The following MAGI2 variants were observed in gnomAD, a reference collection of about 807,000 sequenced individuals.
MAGI2 encodes the protein membrane-associated guanylate kinase, WW and PDZ domain-containing protein 2.
A neutral mutation model predicts 133.3 loss-of-function variants in MAGI2; 35 were observed. The observed-to-expected ratio is 0.26, with a 90% confidence interval of 0.20 to 0.35. The LOEUF (loss-of-function observed/expected upper bound fraction) is 0.35, where lower values mean the gene tolerates loss of function less well. Ranked by LOEUF, MAGI2 falls within the 10% of genes least tolerant of loss-of-function variation. MAGI2 has a pLI of 1.00. For missense variants in MAGI2, 1,636 were observed against 1,863.4 expected (o/e 0.88, Z 2.25); for synonymous variants, 729 against 710.6 (o/e 1.03, Z -0.41).
At chr7:79,064,181 T>A (rs1351296161) in intron 1 of MAGI2, among the ~76,000 whole-genome samples, 1 of 152,016 alleles carries the variant, frequency 6.6e-6, no homozygotes, top group Non-Finnish European at 1.5e-5. Context: ...CTATTCCATC[T>A]CACTATAGAA....
chr7:78,457,811 A>G (rs1211458113), intron 6 of MAGI2, among the ~76,000 whole-genome samples: 1 of 152,190 alleles, frequency 6.6e-6, no homozygotes, highest in African/African-American at 2.4e-5. Flanking sequence ...TCAGTGTAAG[A>G]GCTGAGATTC....
At chr7:78,069,683 C>T (rs1294551046) in intron 21 of MAGI2, among the ~76,000 whole-genome samples, 6 of 152,090 alleles carry the variant, frequency 3.9e-5, no homozygotes, top group Non-Finnish European at 7.4e-5. Context: ...CAACTCCTCA[C>T]CCCACAATCC....
At chr7:78,746,936 T>A (rs1157660572) in intron 2 of MAGI2, among the ~76,000 whole-genome samples, 1 of 152,208 alleles carries the variant, frequency 6.6e-6, no homozygotes, top group African/African-American at 2.4e-5. Flanking sequence ...TAACTATTAT[T>A]GTGTTTTATT....
In MAGI2 at chr7:78,036,619, C is replaced by G. The variant is rs963633628; in HGVS notation, c.3707-16643G>C. On this transcript the variant is annotated intron_variant, in intron 21 of 21. Transcript: ENST00000354212. The stretch of plus-strand genomic sequence containing the variant: ...GTCCAGTTTTATCCCCTTTAGATAA[C>G]TTTTTAGTTTTTTTTTTAAGACAGG... 6.6e-5 allele frequency among the ~76,000 whole-genome samples: 9 copies of G among 136,612 alleles called. No individual in the cohort carries two copies. The East Asian group carries it at 1.8e-3, about 27-fold the overall frequency. The allele number at this position is 136,612 out of a possible 152,430, so 89.6% of individuals were successfully genotyped here. A position where few individuals can be genotyped will look rare whatever the true frequency, so the allele number is the denominator to read the frequency against.
At chr7:78,354,933 G>T (rs1382937976) in intron 7 of MAGI2, among the ~76,000 whole-genome samples, 1 of 152,170 alleles carries the variant, frequency 6.6e-6, no homozygotes, top group African/African-American at 2.4e-5. Context: ...TGGGAAGATA[G>T]AAGAGGTATG....
intron 21 of MAGI2, among the ~76,000 whole-genome samples, chr7:78,023,069 C>T (rs148030370): frequency 9.9e-5 from 15 of 152,238 alleles, no homozygotes; most frequent in Admixed American, 6.5e-4. Flanking sequence ...CAGTTCAGTA[C>T]GAAACATATG....
intron 2 of MAGI2, among the ~76,000 whole-genome samples, chr7:78,692,765 C>T (rs2190663): frequency 0.46 from 69,455 of 152,006 alleles, 16,344 homozygotes; most frequent in Non-Finnish European, 0.52. Context: ...AAATAGCACA[C>T]GTATGAAGTG....
chr7:78,378,934 G>C (rs558278112), intron 6 of MAGI2, among the ~76,000 whole-genome samples: 1 of 151,990 alleles, frequency 6.6e-6, no homozygotes, highest in African/African-American at 2.4e-5. Flanking sequence ...ATGAGCTCAC[G>C]TACTATTGCT....
At chr7:78,824,659 A>C (rs1333125041) in intron 2 of MAGI2, among the ~76,000 whole-genome samples, 1 of 151,970 alleles carries the variant, frequency 6.6e-6, no homozygotes, top group Non-Finnish European at 1.5e-5. Flanking sequence ...TTCCTTGTAG[A>C]TTCTGGATAT....
intron 2 of MAGI2, among the ~76,000 whole-genome samples, chr7:78,948,341 T>A (rs188266877): frequency 1.2e-3 from 190 of 152,150 alleles, no homozygotes; most frequent in African/African-American, 4.5e-3. Flanking sequence ...AACACAATTG[T>A]ACTTAGCAGC....
intron 2 of MAGI2, among the ~76,000 whole-genome samples, chr7:78,805,194 T>C (rs756583291): frequency 3.4e-4 from 51 of 151,692 alleles, no homozygotes; most frequent in Non-Finnish European, 2.4e-4. Flanking sequence ...GTTTTGACAA[T>C]AGATATTTTG....
intron 21 of MAGI2, among the ~76,000 whole-genome samples, chr7:78,060,253 C>A (rs555477306): frequency 1.6e-5 from 2 of 125,688 alleles, no homozygotes; most frequent in African/African-American, 2.8e-5. Context: ...GACCCCCCCC[C>A]CTCTTTAGAT....
At chr7:78,578,780 T>C (rs1379342779) in intron 3 of MAGI2, among the ~76,000 whole-genome samples, 1 of 152,214 alleles carries the variant, frequency 6.6e-6, no homozygotes, top group African/African-American at 2.4e-5. Context: ...CATTAACCAC[T>C]GTTCATGACT....
At chr7:78,820,311 T>C (rs1789981111) in intron 2 of MAGI2, among the ~76,000 whole-genome samples, 1 of 151,918 alleles carries the variant, frequency 6.6e-6, no homozygotes, top group African/African-American at 2.4e-5. Context: ...TATATAATTA[T>C]AATCATAAGA....
chr7:78,385,729 T>G (rs548438577), intron 6 of MAGI2, among the ~76,000 whole-genome samples: 1 of 152,212 alleles, frequency 6.6e-6, no homozygotes, highest in Admixed American at 6.5e-5. Flanking sequence ...ATAGTGAACG[T>G]TGACTTGAAA....
At chr7:78,323,052 G>A (rs576638285) in intron 9 of MAGI2, among the ~76,000 whole-genome samples, 5 of 96,706 alleles carry the variant, frequency 5.2e-5, no homozygotes, top group South Asian at 4.2e-4. Flanking sequence ...AAATAAAAAC[G>A]TCTATGGAAG....
rs573562148 is a variant in MAGI2, at chr7:78,198,401, C to T, written c.2079+2761G>A. Among the ~76,000 whole-genome samples, 3 of 147,044 alleles carry T rather than the reference C, an allele frequency of 2.0e-5. No homozygotes were observed. In the East Asian group the frequency reaches 6.2e-4, roughly 30 times the overall value. Reference sequence around the variant, plus strand: ...CACACCCAGGCATCAAATAGTAAAACAGAACACTCTGTTCATGGCTGTGGC... The same window carrying T: ...CACACCCAGGCATCAAATAGTAAAATAGAACACTCTGTTCATGGCTGTGGC... On this transcript the variant is annotated intron_variant, in intron 11 of 21. Transcript: ENST00000354212.
At chr7:78,349,775 A>G (rs920299555) in intron 7 of MAGI2, among the ~76,000 whole-genome samples, 5 of 152,216 alleles carry the variant, frequency 3.3e-5, no homozygotes, top group African/African-American at 1.2e-4. Flanking sequence ...AAGACTTATC[A>G]CAAAGAAATG....
intron 3 of MAGI2, among the ~76,000 whole-genome samples, chr7:78,555,469 GTT>G (rs1799743538): frequency 6.6e-6 from 1 of 152,098 alleles, no homozygotes; most frequent in Non-Finnish European, 1.5e-5. Flanking sequence ...GGCTGCAAAA[GTT>G]TGTGGGCATA....
Sources: gnomAD v4.1 joint callset for allele counts (sites outside exome capture counted in the v4.1 genomes callset) on GRCh38, gnomAD v4.1.1 for gene constraint, MANE v1.5 for transcripts, NCBI Gene and HGNC (gene_info 2026-07-23, HGNC 2026-07-21) for gene names.